AKR1D1: variants seen among roughly 807,000 people sequenced by gnomAD.
AKR1D1 encodes aldo-keto reductase family 1 member D1, also known as delta(4)-3-ketosteroid 5-beta-reductase.
AKR1D1 carries 32 observed loss-of-function variants against 42.6 expected under a neutral mutation model. That is an observed-to-expected ratio of 0.75 (90% CI 0.57 to 1.01). The LOEUF (loss-of-function observed/expected upper bound fraction) is 1.01, where lower values mean the gene tolerates loss of function less well. Ranked by LOEUF, AKR1D1 falls within the 50% of genes least tolerant of loss-of-function variation. AKR1D1 has a pLI of 0.00. For missense variants in AKR1D1, 364 were observed against 402.2 expected, an observed-to-expected ratio of 0.91 and a Z score of 0.81; for synonymous variants, 123 against 135.5, an observed-to-expected ratio of 0.91 and a Z score of 0.64.
chr7:138,095,194 G>A (rs915100323), intron 3 of AKR1D1, among the ~76,000 whole-genome samples: 4 of 152,120 alleles, frequency 2.6e-5, no homozygotes, highest in Admixed American at 6.5e-5. Flanking sequence ...TAAAAATCAC[G>A]TAACAGAATT....
Position 138,091,733 on chromosome 7 carries a change from G to A in AKR1D1, c.262-35G>A, listed in dbSNP as rs767764386. ...GCTGCCTTATCGTAAAAAGCGTGTAGACATTAGTTAATTCTCCCTCTTTGA... is the reference window on the plus strand; with the variant it reads ...GCTGCCTTATCGTAAAAAGCGTGTAAACATTAGTTAATTCTCCCTCTTTGA... On this transcript the variant is annotated intron_variant, in intron 2 of 8. Coordinates refer to ENST00000242375, the MANE Select transcript of AKR1D1 (RefSeq NM_005989.4). The A allele has an allele frequency of 3.6e-5, 53 of 1,464,294 alleles. 1 individual carries two copies. In the South Asian group the frequency reaches 5.7e-4, roughly 16 times the overall value. The allele number at this position is 1,464,294 out of a possible 1,614,324, so 90.7% of individuals were successfully genotyped here.
chr7:138,103,407 A>C (rs1191478922), intron 4 of AKR1D1, among the ~76,000 whole-genome samples: 1 of 152,224 alleles, frequency 6.6e-6, no homozygotes, highest in Non-Finnish European at 1.5e-5. Flanking sequence ...CCGTGTGAAC[A>C]TGCTAAGTTA....
chr7:138,088,062 TTTAC>T (rs1793974113), intron 1 of AKR1D1, among the ~76,000 whole-genome samples: 1 of 152,002 alleles, frequency 6.6e-6, no homozygotes. Context: ...AGCTAATTAC[TTTAC>T]TTTTTGTACA....
At chr7:138,113,804 C>G (rs1212830965) in intron 8 of AKR1D1, 32 bp downstream of exon 8, 1 of 1,586,478 alleles carries the variant, frequency 6.3e-7, no homozygotes, top group Non-Finnish European at 8.7e-7. Flanking sequence ...TGGGTATTGA[C>G]CAGTGGTATT....
Sources: allele counts gnomAD v4.1 joint callset (sites outside exome capture counted in the v4.1 genomes callset), GRCh38; gene constraint gnomAD v4.1.1; transcripts MANE v1.5; gene names NCBI Gene and HGNC (gene_info 2026-07-23, HGNC 2026-07-21).